Variants in ERBB4 observed in about 807,000 individuals in gnomAD.
The protein encoded by ERBB4 is receptor tyrosine-protein kinase erbB-4.
A neutral mutation model predicts 158.0 loss-of-function variants in ERBB4; 42 were observed. The observed-to-expected ratio is 0.27, with a 90% CI of 0.21 to 0.34. The LOEUF is 0.34. ERBB4 is among the 10% of genes least tolerant of loss of function. ERBB4 has a pLI of 1.00. For synonymous variants in ERBB4, 583 were observed against 558.7 expected (o/e 1.04, Z -0.61); for missense variants, 1,333 against 1,624.1 (o/e 0.82, Z 3.08).
chr2:211,583,984 A>G (rs1574806321), intron 19 of ERBB4, among the ~76,000 whole-genome samples: 2 of 149,388 alleles, frequency 1.3e-5, no homozygotes, highest in African/African-American at 4.9e-5. Flanking sequence ...TTCTTTGAAA[A>G]GAATTTAAAA....
At position 212,313,416 on chromosome 2, in the gene ERBB4, A is replaced by G. The variant is rs146814057; in HGVS notation, c.83-188513T>C. 5.2e-3 allele frequency among the ~76,000 whole-genome samples: 789 copies of G among 151,052 alleles called. 4 individuals are homozygous for G. Among genetic ancestry groups the G allele is most frequent in the Middle Eastern group, 0.017 (5 of 292 alleles). ...ATAATTTGATTTTCATATATTTTAT[A>G]TATCTCAGAACATGCCAAGTGTACA... On this transcript the variant is annotated intron_variant, in intron 1 of 27. Transcript: ENST00000342788.
intron 16 of ERBB4, among the ~76,000 whole-genome samples, chr2:211,644,091 G>C (rs2070698924): frequency 6.6e-6 from 1 of 151,986 alleles, no homozygotes; most frequent in Non-Finnish European, 1.5e-5. Flanking sequence ...GAAAAAATGA[G>C]AGGGTGAGAC....
chr2:212,384,891 A>C (rs2090621069), intron 1 of ERBB4, among the ~76,000 whole-genome samples: 1 of 31,958 alleles, frequency 3.1e-5, no homozygotes, highest in Non-Finnish European at 6.8e-5. Context: ...TGTTTGTGGA[A>C]TATATATATA....
intron 19 of ERBB4, among the ~76,000 whole-genome samples, chr2:211,609,241 T>A (rs908078138): frequency 6.6e-6 from 1 of 152,096 alleles, no homozygotes; most frequent in African/African-American, 2.4e-5. Flanking sequence ...ATATTCTATG[T>A]AAAAACTGGC....
chr2:212,197,743 T>A (rs977081312), intron 1 of ERBB4, among the ~76,000 whole-genome samples: 1 of 152,158 alleles, frequency 6.6e-6, no homozygotes, highest in South Asian at 2.1e-4. Flanking sequence ...CTGAAAGCCC[T>A]GTAACTATAT....
At chr2:212,495,583 T>C (rs984691841) in intron 1 of ERBB4, among the ~76,000 whole-genome samples, 3 of 152,210 alleles carry the variant, frequency 2.0e-5, no homozygotes, top group Non-Finnish European at 4.4e-5. Flanking sequence ...TAATAAATAC[T>C]TGGCCCCAAT....
At chr2:212,003,166 A>AAGG in intron 2 of ERBB4, among the ~76,000 whole-genome samples, 1 of 28,198 alleles carries the variant, frequency 3.5e-5, no homozygotes, top group Non-Finnish European at 1.5e-4. Context: ...AGAAAGAAAG[A>AAGG]AAGAAAGAAA....
intron 1 of ERBB4, among the ~76,000 whole-genome samples, chr2:212,370,424 G>A (rs1222034901): frequency 6.6e-6 from 1 of 152,118 alleles, no homozygotes; most frequent in African/African-American, 2.4e-5. Flanking sequence ...AAACGTGCAA[G>A]GCACCAGCCA....
intron 3 of ERBB4, among the ~76,000 whole-genome samples, chr2:211,907,847 G>A (rs959899482): frequency 6.6e-6 from 1 of 151,670 alleles, no homozygotes; most frequent in African/African-American, 2.4e-5. Flanking sequence ...GGCACTGATA[G>A]GTATTTAAGT....
intron 2 of ERBB4, among the ~76,000 whole-genome samples, chr2:212,110,676 T>C (rs1438371522): frequency 6.6e-6 from 1 of 152,230 alleles, no homozygotes; most frequent in Non-Finnish European, 1.5e-5. Context: ...TGCTTTCAAA[T>C]TAGCTCCTGC....
At chr2:212,483,779 C>T (rs1689832983) in intron 1 of ERBB4, among the ~76,000 whole-genome samples, 1 of 152,158 alleles carries the variant, frequency 6.6e-6, no homozygotes, top group African/African-American at 2.4e-5. Context: ...CTCTATTGCC[C>T]AGGCTGGAGT....
rs755047726 is a variant in ERBB4 at position 211,665,488 on chromosome 2, A to G, written c.1717-11T>C. 88 of 1,613,728 alleles carry G rather than the reference A, an allele frequency of 5.5e-5. No individual in the cohort carries two copies. The highest frequency in any genetic ancestry group is 7.4e-5 in the Non-Finnish European group (87 of 1,179,750). Reference sequence around the variant, plus strand: ...ACAGTTGTCAGGACCCTGAAATGTGAAAACGAAAAAAAAAGAAAAAAGAAA... The same window carrying G: ...ACAGTTGTCAGGACCCTGAAATGTGGAAACGAAAAAAAAAGAAAAAAGAAA... On this transcript the variant is annotated splice_polypyrimidine_tract_variant and intron_variant, in intron 14 of 27. Coordinates refer to ENST00000342788, the MANE Select transcript of ERBB4 (RefSeq NM_005235.3).
chr2:211,881,153 A>G (rs1365997685), intron 3 of ERBB4, among the ~76,000 whole-genome samples: 1 of 143,328 alleles, frequency 7.0e-6, no homozygotes, highest in Non-Finnish European at 1.5e-5. Context: ...CATTACCGTT[A>G]CAATCCTAAA....
chr2:211,479,412 T>A (rs2065030917), intron 20 of ERBB4, among the ~76,000 whole-genome samples: 1 of 152,186 alleles, frequency 6.6e-6, no homozygotes, highest in Non-Finnish European at 1.5e-5. Context: ...ATTCTTATAA[T>A]ACTTAGGATA....
At chr2:212,438,438 C>T (rs536013394) in intron 1 of ERBB4, among the ~76,000 whole-genome samples, 11 of 151,458 alleles carry the variant, frequency 7.3e-5, no homozygotes, top group South Asian at 6.2e-4. Flanking sequence ...AGCTCCTTGA[C>T]GGTAAAGCAT....
chr2:212,163,666 T>G (rs552233266), intron 1 of ERBB4, among the ~76,000 whole-genome samples: 1 of 152,236 alleles, frequency 6.6e-6, no homozygotes, highest in South Asian at 2.1e-4. Flanking sequence ...TTCCTGTCAC[T>G]GGAGTTCTAC....
chr2:212,143,530 G>A (rs1347124380), intron 1 of ERBB4, among the ~76,000 whole-genome samples: 1 of 152,018 alleles, frequency 6.6e-6, no homozygotes, highest in African/African-American at 2.4e-5. Context: ...TAGCAACGAG[G>A]TGATAGAAAT....
At chr2:212,510,899 C>A (rs1385793621) in intron 1 of ERBB4, among the ~76,000 whole-genome samples, 1 of 151,994 alleles carries the variant, frequency 6.6e-6, no homozygotes, top group East Asian at 1.9e-4. Context: ...CATGTGGGAT[C>A]CCCAGGAATG....
At chr2:212,081,148 A>C (rs2078431019) in intron 2 of ERBB4, among the ~76,000 whole-genome samples, 1 of 152,156 alleles carries the variant, frequency 6.6e-6, no homozygotes, top group African/African-American at 2.4e-5. Flanking sequence ...CGGTTATGTT[A>C]ATTAAGCAAA....
Sources: gnomAD v4.1 joint callset for allele counts (sites outside exome capture counted in the v4.1 genomes callset) on GRCh38, gnomAD v4.1.1 for gene constraint, MANE v1.5 for transcripts, NCBI Gene and HGNC (gene_info 2026-07-23, HGNC 2026-07-21) for gene names.